Variants in PTPRN2 observed in about 807,000 individuals in gnomAD.
PTPRN2 encodes protein tyrosine phosphatase receptor type N2, also known as receptor-type tyrosine-protein phosphatase N2.
In PTPRN2, 74 loss-of-function variants were observed where a neutral mutation model predicts 118.8. The observed-to-expected ratio is 0.62, with a 90% confidence interval of 0.52 to 0.76. PTPRN2 has a LOEUF of 0.76. Among genes scored for constraint, PTPRN2 ranks in the 30% least tolerant of loss-of-function variants. The probability of loss-of-function intolerance (pLI) is 0.00; values close to 1 mark genes in which losing one functional copy is unlikely to be tolerated. For synonymous variants in PTPRN2, 641 were observed against 608.0 expected (o/e 1.05, Z -0.80); for missense variants, 1,481 against 1,394.4 (o/e 1.06, Z -0.99).
chr7:157,733,760 G>C (rs568009759), intron 12 of PTPRN2, among the ~76,000 whole-genome samples: 3 of 6,164 alleles, frequency 4.9e-4, no homozygotes, highest in Non-Finnish European at 3.0e-4. Context: ...TCCCGTCCCA[G>C]GCGCCCAGCA....
At position 157,583,900 on chromosome 7, in the gene PTPRN2, A is replaced by T. The variant is rs1380155802; in HGVS notation, c.2497-5760T>A. Among the ~76,000 whole-genome samples the T allele has an allele frequency of 1.4e-5, 2 of 144,742 alleles. No homozygotes were observed. Among genetic ancestry groups the T allele is most frequent in the East Asian group, 3.9e-4 (2 of 5,106 alleles). 95.0% of individuals were successfully genotyped at this position (144,742 alleles called of 152,430 possible). A position where few individuals can be genotyped will look rare whatever the true frequency, so the allele number is the denominator to read the frequency against. ...CTGTCTCAAACACACACACACACAC[A>T]CACACACACACACACACACACACAC... is the stretch of plus-strand genomic sequence containing the variant. On this transcript the variant is annotated intron_variant, in intron 17 of 22. Coordinates refer to ENST00000389418, the MANE Select transcript of PTPRN2 (RefSeq NM_002847.5). The surrounding 1 kb of genome is among the most constrained non-coding windows in gnomAD (Gnocchi z 5.5).
chr7:158,524,056 G>C (rs1248219313), intron 1 of PTPRN2, among the ~76,000 whole-genome samples: 1 of 112,274 alleles, frequency 8.9e-6, no homozygotes, highest in Admixed American at 8.4e-5. Context: ...CCCTGGAGTG[G>C]AGTCGTCTGC....
chr7:158,528,714 A>C (rs1157136337), intron 1 of PTPRN2, among the ~76,000 whole-genome samples: 1 of 151,840 alleles, frequency 6.6e-6, no homozygotes, highest in African/African-American at 2.4e-5. Context: ...GAGTGGCATG[A>C]ACATGGGAGG....
At chr7:158,067,209 A>G (rs1318675058) in intron 11 of PTPRN2, among the ~76,000 whole-genome samples, 1 of 152,234 alleles carries the variant, frequency 6.6e-6, no homozygotes, top group Non-Finnish European at 1.5e-5. Context: ...TGCTGTTGCA[A>G]TGCTTTTCAG....
intron 3 of PTPRN2, among the ~76,000 whole-genome samples, chr7:158,272,813 G>A (rs1016506169): frequency 5.3e-5 from 8 of 152,176 alleles, no homozygotes; most frequent in South Asian, 2.1e-4. Context: ...AGGTGCCGCC[G>A]GCAGAAGGAG....
intron 3 of PTPRN2, among the ~76,000 whole-genome samples, chr7:158,313,743 C>G (rs1802066084): frequency 6.6e-6 from 1 of 152,186 alleles, no homozygotes; most frequent in South Asian, 2.1e-4. Context: ...GATGGTTTTC[C>G]TTAGGAGTTA....
chr7:158,393,559 A>T (rs184269783), intron 2 of PTPRN2, among the ~76,000 whole-genome samples: 1 of 152,324 alleles, frequency 6.6e-6, no homozygotes, highest in Admixed American at 6.5e-5. Context: ...CACCTGCTGC[A>T]GACCGGCCTC....
At chr7:158,095,326 G>T (rs1004096527) in intron 10 of PTPRN2, among the ~76,000 whole-genome samples, 3 of 151,442 alleles carry the variant, frequency 2.0e-5, no homozygotes, top group African/African-American at 7.3e-5. Context: ...AGTGTTTGGT[G>T]TCATTTCTAT....
At chr7:158,039,098 T>A (rs1808278589) in intron 11 of PTPRN2, among the ~76,000 whole-genome samples, 1 of 152,160 alleles carries the variant, frequency 6.6e-6, no homozygotes. Context: ...TGCCTAAATA[T>A]CCTGCAGTAG....
At chr7:157,681,240 C>T (rs192365155) in intron 13 of PTPRN2, among the ~76,000 whole-genome samples, 10 of 152,290 alleles carry the variant, frequency 6.6e-5, no homozygotes, top group South Asian at 2.1e-4. Flanking sequence ...CCGTCTCTCA[C>T]GCATGGAACA....
chr7:158,343,429 A>T (rs1338853140), intron 2 of PTPRN2, among the ~76,000 whole-genome samples: 1 of 152,184 alleles, frequency 6.6e-6, no homozygotes, highest in Non-Finnish European at 1.5e-5. Flanking sequence ...GGGTGAGAAC[A>T]TGGAGAAAAT....
chr7:157,856,098 C>T (rs1809693795), intron 12 of PTPRN2: 1 of 152,224 alleles, frequency 6.6e-6, no homozygotes, highest in Non-Finnish European at 1.5e-5. Flanking sequence ...GCCTTGTCCT[C>T]CCTGCCTGAT....
intron 12 of PTPRN2, among the ~76,000 whole-genome samples, chr7:157,894,137 A>C (rs1223508515): frequency 6.6e-6 from 1 of 152,208 alleles, no homozygotes; most frequent in East Asian, 1.9e-4. Context: ...ACTGAGGCTG[A>C]GCAGGGACCC....
chr7:157,914,941 A>G (rs1450842002), intron 11 of PTPRN2, among the ~76,000 whole-genome samples: 1 of 152,178 alleles, frequency 6.6e-6, no homozygotes, highest in Non-Finnish European at 1.5e-5. Flanking sequence ...ATCTGCTATT[A>G]AACTCATACC....
chr7:158,443,849 G>A (rs952259330), intron 2 of PTPRN2, among the ~76,000 whole-genome samples: 2 of 152,156 alleles, frequency 1.3e-5, no homozygotes, highest in African/African-American at 4.8e-5. Context: ...TGGACTGTTG[G>A]CCACCAGCAA....
At chr7:158,394,030 C>T (rs557511411) in intron 2 of PTPRN2, among the ~76,000 whole-genome samples, 5 of 151,804 alleles carry the variant, frequency 3.3e-5, no homozygotes, top group Non-Finnish European at 5.9e-5. Context: ...CCATGGACAC[C>T]TCGCTCCCCC....
At chr7:157,891,045 C>A (rs541771480) in intron 12 of PTPRN2, among the ~76,000 whole-genome samples, 1 of 152,164 alleles carries the variant, frequency 6.6e-6, no homozygotes, top group Non-Finnish European at 1.5e-5. Flanking sequence ...TGGGCAAAGG[C>A]CCCCCTCTGT....
rs1032810412 is a variant in PTPRN2, at chr7:157,869,906, C to G, written c.1788+28767G>C. Among the ~76,000 whole-genome samples the G allele has an allele frequency of 6.6e-6, 1 of 152,096 alleles. No homozygotes were observed. Among genetic ancestry groups the G allele is most frequent in the African/African-American group, 2.4e-5 (1 of 41,420 alleles). ...CAACATGCAAAATGCCTTGAGCATC[C>G]CAACATCTACTGCCATGACCTTTGC... On this transcript the variant is annotated intron_variant, in intron 12 of 22. Coordinates refer to ENST00000389418, the MANE Select transcript of PTPRN2 (RefSeq NM_002847.5). This position sits in a 1 kb window ranked among gnomAD's most constrained non-coding sequence, Gnocchi z 4.2.
chr7:157,658,828 AAAAG>A (rs1405697093), intron 13 of PTPRN2, among the ~76,000 whole-genome samples: 2 of 152,184 alleles, frequency 1.3e-5, no homozygotes, highest in African/African-American at 4.8e-5. Flanking sequence ...ATTCGTGAGA[AAAAG>A]AAAGGCTCCG....
Sources: gnomAD v4.1 joint callset for allele counts (sites outside exome capture counted in the v4.1 genomes callset) on GRCh38, gnomAD v4.1.1 for gene constraint, Gnocchi (gnomAD v3.1) non-coding constraint, MANE v1.5 for transcripts, NCBI Gene and HGNC (gene_info 2026-07-23, HGNC 2026-07-21) for gene names.